HSPBAP1: variants seen among roughly 807,000 people sequenced by gnomAD.
HSPBAP1 encodes HSPB1-associated protein 1.
HSPBAP1 carries 27 observed loss-of-function variants against 45.2 expected under a neutral mutation model. The ratio of observed to expected loss-of-function variants is 0.60; its 90% CI spans 0.44 to 0.82. The LOEUF is 0.82. Among genes scored for constraint, HSPBAP1 ranks in the 40% least tolerant of loss-of-function variants. The probability of loss-of-function intolerance (pLI) is 0.00; values close to 1 mark genes in which losing one functional copy is unlikely to be tolerated. For missense variants in HSPBAP1, 510 were observed against 590.9 expected (o/e 0.86, Z 1.42); for synonymous variants, 204 against 202.7 (o/e 1.01, Z -0.06).
chr3:122,768,391 G>A (rs1003779882), intron 3 of HSPBAP1, among the ~76,000 whole-genome samples: 7 of 152,222 alleles, frequency 4.6e-5, no homozygotes, highest in Non-Finnish European at 8.8e-5. Context: ...ATGGAGGTCA[G>A]GAGGCAATGA....
At chr3:122,792,535 CA>C (rs1935864574) in intron 1 of HSPBAP1, among the ~76,000 whole-genome samples, 1 of 152,030 alleles carries the variant, frequency 6.6e-6, no homozygotes, top group Admixed American at 6.6e-5. Context: ...CCCCCTTCAG[CA>C]AACTGTTTGA....
chr3:122,765,803 T>C (rs1201390921), intron 3 of HSPBAP1, among the ~76,000 whole-genome samples: 1 of 152,200 alleles, frequency 6.6e-6, no homozygotes, highest in African/African-American at 2.4e-5. Flanking sequence ...TAAGATCCAT[T>C]CTGTGCAAGA....
chr3:122,765,406 C>A (rs1934741928), intron 3 of HSPBAP1, among the ~76,000 whole-genome samples: 1 of 151,706 alleles, frequency 6.6e-6, no homozygotes, highest in Admixed American at 6.6e-5. Context: ...CATGGTGAAA[C>A]CCCGTTTCTA....
intron 3 of HSPBAP1, among the ~76,000 whole-genome samples, chr3:122,766,400 A>G (rs1433336803): frequency 6.6e-6 from 1 of 152,258 alleles, no homozygotes; most frequent in Non-Finnish European, 1.5e-5. Flanking sequence ...TTGAGACAAA[A>G]GATGATATAA....
intron 1 of HSPBAP1, among the ~76,000 whole-genome samples, chr3:122,778,206 G>GTT (rs71136591): frequency 5.2e-5 from 4 of 77,534 alleles, no homozygotes; most frequent in Admixed American, 1.2e-4. Flanking sequence ...TCAACAGGTA[G>GTT]TTTTTTTTGT....
At chr3:122,764,970 A>C (rs1478982575) in intron 3 of HSPBAP1, among the ~76,000 whole-genome samples, 1 of 152,202 alleles carries the variant, frequency 6.6e-6, no homozygotes, top group Non-Finnish European at 1.5e-5. Flanking sequence ...CAGTAGATGG[A>C]AGATTAGTTG....
chr3:122,782,558 A>G (rs1490264441), intron 1 of HSPBAP1, among the ~76,000 whole-genome samples: 2 of 152,142 alleles, frequency 1.3e-5, no homozygotes, highest in Non-Finnish European at 2.9e-5. Flanking sequence ...CTATATGTGC[A>G]GTGAATGGTC....
chr3:122,744,355 C>T (rs1303291291), intron 6 of HSPBAP1, among the ~76,000 whole-genome samples: 2 of 152,102 alleles, frequency 1.3e-5, no homozygotes, highest in African/African-American at 4.8e-5. Flanking sequence ...ATATCAGAAC[C>T]TGGGGTTAAC....
intron 6 of HSPBAP1, among the ~76,000 whole-genome samples, chr3:122,749,303 A>T (rs1479578766): frequency 2.6e-5 from 4 of 152,146 alleles, no homozygotes; most frequent in Non-Finnish European, 5.9e-5. Flanking sequence ...CTTTTAACAT[A>T]GTTTTGACAA....
intron 4 of HSPBAP1, among the ~76,000 whole-genome samples, chr3:122,755,984 G>C (rs1288472713): frequency 6.6e-6 from 1 of 152,084 alleles, no homozygotes; most frequent in African/African-American, 2.4e-5. Context: ...GTATAATATA[G>C]GAATTTTCAA....
intron 2 of HSPBAP1, among the ~76,000 whole-genome samples, chr3:122,773,572 C>T (rs1393945385): frequency 6.7e-6 from 1 of 150,036 alleles, no homozygotes; most frequent in Non-Finnish European, 1.5e-5. Flanking sequence ...CACCTTGGCC[C>T]CCCAAAGTGC....
chr3:122,768,983 T>G, intron 2 of HSPBAP1, 101 bp from the exon 3 acceptor site: 1 of 848,232 alleles, frequency 1.2e-6, no homozygotes, highest in East Asian at 2.7e-5. Flanking sequence ...AAAATTAACT[T>G]TGAAGACTAA....
In HSPBAP1 at chr3:122,740,844, C is replaced by A. The variant is rs1933642355; in HGVS notation, c.968G>T (p.Cys323Phe). The A allele has an allele frequency of 1.2e-6, 2 of 1,614,172 alleles. No homozygotes were observed. Among genetic ancestry groups the A allele is most frequent in the African/African-American group, 2.7e-5 (2 of 75,056 alleles). Reference sequence around the variant, plus strand: ...TGCAGAAACAGCTGCATTTAAGTAGCAACAGTTGACTGCATGGGACGTTTC... The same window carrying A: ...TGCAGAAACAGCTGCATTTAAGTAGAAACAGTTGACTGCATGGGACGTTTC... ...VEETSHAVNC[C>F]YLNAAVSAFF... The change falls in exon 8 of 8, where the codon TGC becomes TTC. Residue 323 changes from cysteine (C) to phenylalanine (F), a missense_variant. Transcript: ENST00000306103.
chr3:122,757,969 G>A (rs781426938), intron 4 of HSPBAP1, among the ~76,000 whole-genome samples: 4 of 152,190 alleles, frequency 2.6e-5, no homozygotes, highest in East Asian at 1.9e-4. Flanking sequence ...GTGTAGCTAT[G>A]TACCTGACAC....
chr3:122,774,204 A>G (rs1454122294), intron 2 of HSPBAP1, among the ~76,000 whole-genome samples: 1 of 152,248 alleles, frequency 6.6e-6, no homozygotes, highest in East Asian at 1.9e-4. Context: ...TGTGATTACA[A>G]CTGTGCTAAG....
intron 6 of HSPBAP1, 154 bp from the exon 7 acceptor site, chr3:122,741,267 T>C (rs1009538032): frequency 1.3e-5 from 8 of 619,694 alleles, no homozygotes; most frequent in Middle Eastern, 8.5e-4. Context: ...ACAATTTTTG[T>C]GTATTTACTA....
intron 4 of HSPBAP1, among the ~76,000 whole-genome samples, chr3:122,756,756 G>A (rs1279999106): frequency 2.0e-5 from 3 of 151,474 alleles, no homozygotes; most frequent in Non-Finnish European, 2.9e-5. Context: ...CAATTTACAC[G>A]GCCATCAGCT....
intron 5 of HSPBAP1, chr3:122,753,193 TGG>T (rs1934221616): frequency 6.6e-5 from 3 of 45,408 alleles, no homozygotes; most frequent in Non-Finnish European, 8.1e-5. Flanking sequence ...AGGGGCAACA[TGG>T]ATGGAAGAAG....
At chr3:122,780,920 CGGCGGGGCAGAGGCGG>C (rs1334671740) in intron 1 of HSPBAP1, among the ~76,000 whole-genome samples, 1,578 of 84,522 alleles carry the variant, frequency 0.019, 458 homozygotes, top group Non-Finnish European at 0.027. Context: ...CCAGACGGGG[CGGCGGGGCAGAGGCGG>C]TCCCCACATC....
Sources: allele counts gnomAD v4.1 joint callset (sites outside exome capture counted in the v4.1 genomes callset), GRCh38; gene constraint gnomAD v4.1.1; transcripts MANE v1.5; gene names NCBI Gene and HGNC (gene_info 2026-07-23, HGNC 2026-07-21).